The following SEC31A variants were observed in gnomAD, a reference collection of about 807,000 sequenced individuals.
SEC31A encodes protein transport protein Sec31A.
SEC31A carries 70 observed loss-of-function variants against 151.0 expected under a neutral mutation model. The ratio of observed to expected loss-of-function variants is 0.46; its 90% confidence interval spans 0.38 to 0.57. The LOEUF is 0.57. SEC31A is among the 20% of genes least tolerant of loss of function. The probability of loss-of-function intolerance (pLI) is 0.00; values close to 1 mark genes in which losing one functional copy is unlikely to be tolerated. For missense variants in SEC31A, 1,330 were observed against 1,471.2 expected (o/e 0.90, Z 1.57); for synonymous variants, 475 against 505.9 (o/e 0.94, Z 0.82).
At chr4:82,857,612 AT>A in intron 15 of SEC31A, 76 bp downstream of exon 15, 1 of 971,650 alleles carries the variant, frequency 1.0e-6, no homozygotes, top group Non-Finnish European at 1.6e-6. Flanking sequence ...GACTTGAAGC[AT>A]TTTAACTTAA....
intron 1 of SEC31A, among the ~76,000 whole-genome samples, chr4:82,887,474 T>C (rs1002219902): frequency 6.6e-6 from 1 of 152,224 alleles, no homozygotes; most frequent in Non-Finnish European, 1.5e-5. Context: ...AGACAGTATC[T>C]ATAGCACGGC....
At chr4:82,874,551 A>C in intron 6 of SEC31A, 60 bp downstream of exon 6, 1 of 1,475,604 alleles carries the variant, frequency 6.8e-7, no homozygotes, top group Non-Finnish European at 9.1e-7. Context: ...CTGACAAACA[A>C]TATAGGAATA....
chr4:82,857,544 G>T, intron 15 of SEC31A, 145 bp downstream of exon 15: 1 of 628,470 alleles, frequency 1.6e-6, no homozygotes, highest in Admixed American at 2.7e-5. Flanking sequence ...GGGCCCAAGT[G>T]ATCCTCCTGC....
At chr4:82,876,133 G>C (rs1477002102) in intron 4 of SEC31A, among the ~76,000 whole-genome samples, 4 of 118,566 alleles carry the variant, frequency 3.4e-5, no homozygotes, top group Non-Finnish European at 6.8e-5. Context: ...TTTTTGAGAT[G>C]GAGTTTTGCT....
intron 26 of SEC31A, among the ~76,000 whole-genome samples, chr4:82,819,627 T>A (rs775822472): frequency 6.6e-6 from 1 of 152,144 alleles, no homozygotes. Context: ...AATCATAATA[T>A]CTCAAAGGAA....
chr4:82,867,631 ACTTTTTTTTTT>A (rs1327051017), intron 8 of SEC31A, among the ~76,000 whole-genome samples: 2 of 151,950 alleles, frequency 1.3e-5, no homozygotes, highest in African/African-American at 4.8e-5. Context: ...ATTAGAGTCA[ACTTTTTTTTTT>A]CTTTTTTGAG....
intron 1 of SEC31A, chr4:82,890,795 A>G: frequency 7.8e-7 from 1 of 1,284,252 alleles, no homozygotes; most frequent in Non-Finnish European, 9.9e-7. Context: ...CTCAAACTCC[A>G]GTTACCAGCC....
chr4:82,873,090 G>A (rs1737109648), intron 6 of SEC31A, among the ~76,000 whole-genome samples: 2 of 152,164 alleles, frequency 1.3e-5, no homozygotes, highest in East Asian at 3.8e-4. Context: ...GCTGGGCGTG[G>A]TGGCTCACTC....
intron 10 of SEC31A, among the ~76,000 whole-genome samples, chr4:82,865,823 A>G (rs1055156147): frequency 6.6e-6 from 1 of 152,074 alleles, no homozygotes. Flanking sequence ...ACAGAGTTTC[A>G]GTTTTGCAAG....
intron 22 of SEC31A, among the ~76,000 whole-genome samples, chr4:82,836,383 A>AG (rs1180332368): frequency 6.6e-6 from 1 of 151,564 alleles, no homozygotes; most frequent in African/African-American, 2.4e-5. Context: ...AAAAAAAAAA[A>AG]AAAAAAAAAG....
intron 4 of SEC31A, among the ~76,000 whole-genome samples, chr4:82,876,236 G>C (rs938898746): frequency 1.3e-5 from 2 of 151,084 alleles, no homozygotes; most frequent in Non-Finnish European, 2.9e-5. Context: ...TCAGCCTCCC[G>C]AGTAGCTAGG....
At chr4:82,866,342 G>A (rs139889571) in intron 10 of SEC31A, among the ~76,000 whole-genome samples, 3 of 152,018 alleles carry the variant, frequency 2.0e-5, no homozygotes, top group East Asian at 1.9e-4. Flanking sequence ...GTGGTGGCAC[G>A]TGCTTGTAAT....
chr4:82,823,011 C>T (rs951472774), intron 25 of SEC31A, among the ~76,000 whole-genome samples: 28 of 152,186 alleles, frequency 1.8e-4, no homozygotes, highest in African/African-American at 5.8e-4. Context: ...TATCTAGCTA[C>T]AAACAGGAGC....
chr4:82,855,967 C>T (rs2149405737), intron 16 of SEC31A, among the ~76,000 whole-genome samples: 1 of 152,278 alleles, frequency 6.6e-6, no homozygotes, highest in South Asian at 2.1e-4. Flanking sequence ...AATTCCTCTT[C>T]TATGACTACA....
At chr4:82,873,120 G>A (rs1737119141) in intron 6 of SEC31A, among the ~76,000 whole-genome samples, 1 of 152,094 alleles carries the variant, frequency 6.6e-6, no homozygotes, top group African/African-American at 2.4e-5. Context: ...CAGCACTTTG[G>A]GAGGCCAAGG....
chr4:82,857,242 C>T, intron 15 of SEC31A, 112 bp from the exon 16 acceptor site: 1 of 849,210 alleles, frequency 1.2e-6, no homozygotes, highest in South Asian at 1.7e-5. Flanking sequence ...GAGACCACAA[C>T]ACTAATTTCT....
intron 1 of SEC31A, among the ~76,000 whole-genome samples, chr4:82,890,188 C>A (rs1354879720): frequency 9.0e-6 from 1 of 110,768 alleles, no homozygotes; most frequent in Non-Finnish European, 1.7e-5. Context: ...GGTGACAGAG[C>A]GAGACTCCGT....
At position 82,863,322 on chromosome 4, in the gene SEC31A, T is replaced by C; in HGVS notation, c.1505A>G (p.Lys502Arg). ...LLGYRKEDLG[K>R]KIALALNKVD... ...CTAACTTTCCCAAAAGTTTACCTTCTTTCCTAGATCTTCTTTTCTGTATCC... is the reference window on the plus strand; with the variant it reads ...CTAACTTTCCCAAAAGTTTACCTTCCTTCCTAGATCTTCTTTTCTGTATCC... The change falls in exon 12 of 27, where the codon AAG (lysine) becomes AGG (arginine). Residue 502 changes from lysine to arginine, a missense_variant. Lys to Arg is a conservative substitution (Grantham distance 26). Coordinates refer to ENST00000395310, the MANE Select transcript of SEC31A (RefSeq NM_001077207.4). 6.4e-7 allele frequency: 1 copy of C among 1,569,342 alleles called. No individual in the cohort carries two copies. Among genetic ancestry groups the C allele is most frequent in the South Asian group, 1.2e-5 (1 of 84,854 alleles).
chr4:82,857,840 A>G (rs1014645377), intron 14 of SEC31A, 76 bp from the exon 15 acceptor site: 9 of 874,274 alleles, frequency 1.0e-5, no homozygotes, highest in African/African-American at 1.7e-5. Flanking sequence ...AAATTTACAC[A>G]TGATTCTTCA....
Sources: gnomAD v4.1 joint callset for allele counts (sites outside exome capture counted in the v4.1 genomes callset) on GRCh38, gnomAD v4.1.1 for gene constraint, MANE v1.5 for transcripts, NCBI Gene and HGNC (gene_info 2026-07-23, HGNC 2026-07-21) for gene names.